Variants in CHD6 observed in about 807,000 individuals in gnomAD.
CHD6 encodes the protein ATP-dependent chromatin remodeler CHD6.
In CHD6, 50 loss-of-function variants were observed where a neutral mutation model predicts 276.9. The ratio of observed to expected loss-of-function variants is 0.18; its 90% CI spans 0.14 to 0.23. The LOEUF is 0.23. Ranked by LOEUF, CHD6 falls within the 10% of genes least tolerant of loss-of-function variation. The pLI, the probability that CHD6 is intolerant of heterozygous loss-of-function variation, is 1.00. For synonymous variants in CHD6, 1,173 were observed against 1,229.3 expected, an observed-to-expected ratio of 0.95 and a Z score of 0.96; for missense variants, 2,564 against 3,365.8, an observed-to-expected ratio of 0.76 and a Z score of 5.89.
intron 5 of CHD6, among the ~76,000 whole-genome samples, chr20:41,507,294 A>G (rs2043999276): frequency 6.6e-6 from 1 of 152,244 alleles, no homozygotes; most frequent in Non-Finnish European, 1.5e-5. Context: ...TGAAGAAAGC[A>G]CAGGACTTTG....
At chr20:41,501,247 T>C (rs143112880) in intron 5 of CHD6, among the ~76,000 whole-genome samples, 1,553 of 152,326 alleles carry the variant, frequency 0.01, 13 homozygotes, top group South Asian at 0.018. Flanking sequence ...CTATCAGGCA[T>C]GCTAACAAAA....
intron 1 of CHD6, among the ~76,000 whole-genome samples, chr20:41,556,675 C>A (rs2045242567): frequency 6.6e-6 from 1 of 152,140 alleles, no homozygotes; most frequent in Admixed American, 6.5e-5. Flanking sequence ...TCTCATGTTA[C>A]TGTCAAATCA....
intron 26 of CHD6, among the ~76,000 whole-genome samples, 170 bp from the exon 27 acceptor site, chr20:41,437,504 T>C (rs940338259): frequency 3.9e-5 from 6 of 152,218 alleles, no homozygotes; most frequent in African/African-American, 1.4e-4. Flanking sequence ...ATTGTTATAA[T>C]TGTTCTATTA....
chr20:41,618,072 A>AAGCGGG (rs1037855728), intron 1 of CHD6, among the ~76,000 whole-genome samples: 2 of 148,560 alleles, frequency 1.3e-5, no homozygotes, highest in Non-Finnish European at 1.5e-5. Context: ...GCCCGAGCGA[A>AAGCGGG]AGCGGGAGCG....
In CHD6 at chr20:41,533,454, A is replaced by G; in HGVS notation, c.150T>C (p.Asp50=). ...TCTGAGGCAGACAGTGACTAGCAACATCTTCAATTTTCTCTTCTTGATCAG... is the reference window on the plus strand; with the variant it reads ...TCTGAGGCAGACAGTGACTAGCAACGTCTTCAATTTTCTCTTCTTGATCAG... ...CSTDQEEKIE[D]VASHCLPQKD... The change falls in exon 3 of 37, where the codon GAT becomes GAC. Residue 50 remains aspartate, a synonymous_variant. Transcript: ENST00000373233. 6.2e-7 allele frequency: 1 copy of G among 1,614,194 alleles called. No homozygotes were observed. Among genetic ancestry groups the G allele is most frequent in the Non-Finnish European group, 8.5e-7 (1 of 1,180,030 alleles).
At chr20:41,435,861 C>T (rs942838634) in intron 27 of CHD6, among the ~76,000 whole-genome samples, 23 of 152,124 alleles carry the variant, frequency 1.5e-4, no homozygotes, top group African/African-American at 5.1e-4. Flanking sequence ...TTAAAACTTA[C>T]GGTATTGCTA....
At chr20:41,560,299 G>T (rs954730413) in intron 1 of CHD6, among the ~76,000 whole-genome samples, 1 of 152,156 alleles carries the variant, frequency 6.6e-6, no homozygotes, top group Admixed American at 6.5e-5. Flanking sequence ...CTTGTCTACT[G>T]CTCTGACATT....
chr20:41,454,442 T>G (rs575482243), intron 20 of CHD6, among the ~76,000 whole-genome samples, 184 bp downstream of exon 20: 7 of 152,320 alleles, frequency 4.6e-5, no homozygotes, highest in Non-Finnish European at 7.4e-5. Flanking sequence ...AATGGCCATT[T>G]AAAAATGACA....
At chr20:41,596,435 T>A (rs2045718177) in intron 1 of CHD6, among the ~76,000 whole-genome samples, 1 of 152,036 alleles carries the variant, frequency 6.6e-6, no homozygotes, top group African/African-American at 2.4e-5. Flanking sequence ...TTAATGTCCA[T>A]CTTCAGTATT....
At chr20:41,440,298 G>A (rs1227614852) in intron 25 of CHD6, among the ~76,000 whole-genome samples, 169 bp from the exon 26 acceptor site, 2 of 152,300 alleles carry the variant, frequency 1.3e-5, no homozygotes, top group African/African-American at 2.4e-5. Context: ...AAATCCTGGT[G>A]CTAAAGCGGA....
intron 30 of CHD6, 123 bp from the exon 31 acceptor site, chr20:41,422,202 G>T: frequency 1.0e-6 from 1 of 979,580 alleles, no homozygotes; most frequent in Non-Finnish European, 1.5e-6. Context: ...GGCAGTTTCA[G>T]GTGTGTGAGC....
chr20:41,603,321 A>G (rs982280564), intron 1 of CHD6, among the ~76,000 whole-genome samples: 8 of 152,162 alleles, frequency 5.3e-5, no homozygotes, highest in African/African-American at 1.7e-4. Context: ...CAGCCTGGGC[A>G]ACAGAGTGAG....
chr20:41,556,827 C>A (rs1732113555), intron 1 of CHD6, among the ~76,000 whole-genome samples: 1 of 152,162 alleles, frequency 6.6e-6, no homozygotes, highest in Non-Finnish European at 1.5e-5. Context: ...TTTATAAACA[C>A]CCTTAAATTA....
chr20:41,490,124 T>C (rs887585477), intron 11 of CHD6, 103 bp from the exon 12 acceptor site: 18 of 933,324 alleles, frequency 1.9e-5, no homozygotes, highest in African/African-American at 9.9e-5. Context: ...AAGATTATCA[T>C]TGAAGGCTTT....
At chr20:41,481,134 T>C (rs1034794172) in intron 16 of CHD6, among the ~76,000 whole-genome samples, 14 of 151,446 alleles carry the variant, frequency 9.2e-5, no homozygotes, top group African/African-American at 1.9e-4. Context: ...TATATATATA[T>C]ACACTTCAGA....
chr20:41,559,261 T>C (rs2045275614), intron 1 of CHD6, among the ~76,000 whole-genome samples: 1 of 152,130 alleles, frequency 6.6e-6, no homozygotes. Context: ...TAAGCATTCT[T>C]TGAATGGAAG....
Position 41,489,784 on chromosome 20 carries a change from GTC to G in CHD6, c.1672_1673del (p.Asp558ArgfsTer20). The G allele has an allele frequency of 6.2e-7, 1 of 1,613,944 alleles. No homozygotes were observed. Among genetic ancestry groups the G allele is most frequent in the Non-Finnish European group, 8.5e-7 (1 of 1,179,890 alleles). On this transcript the variant is annotated frameshift_variant, in exon 12 of 37. Coordinates refer to ENST00000373233, the MANE Select transcript of CHD6 (RefSeq NM_032221.5). LOFTEE classifies it high-confidence loss of function. ...MIQQYEMVYR[D>X]AQGNPLSGVF... ...GATCTCACGTGAGGCTCACCTGGGCGTCTCTGTACACCATTTCATACTGCTGG... is the reference window on the plus strand; with the variant it reads ...GATCTCACGTGAGGCTCACCTGGGCGTCTGTACACCATTTCATACTGCTGG...
At chr20:41,466,338 C>T (rs559629721) in intron 17 of CHD6, among the ~76,000 whole-genome samples, 28 of 152,180 alleles carry the variant, frequency 1.8e-4, no homozygotes, top group African/African-American at 6.5e-4. Context: ...TTTTTTTCCC[C>T]GCTTAACAAT....
intron 8 of CHD6, among the ~76,000 whole-genome samples, chr20:41,495,701 T>C (rs1314744858): frequency 6.6e-6 from 1 of 152,224 alleles, no homozygotes; most frequent in Non-Finnish European, 1.5e-5. Flanking sequence ...AGTGGTTATT[T>C]CACAATGTAA....
Sources: gnomAD v4.1 joint callset for allele counts (sites outside exome capture counted in the v4.1 genomes callset) on GRCh38, gnomAD v4.1.1 for gene constraint, MANE v1.5 for transcripts, NCBI Gene and HGNC (gene_info 2026-07-23, HGNC 2026-07-21) for gene names.